Variants in EYS observed in about 807,000 individuals in gnomAD.
The protein encoded by EYS is protein eyes shut homolog.
A neutral mutation model predicts 282.1 loss-of-function variants in EYS; 250 were observed. That is an observed-to-expected ratio of 0.89 (90% CI 0.80 to 0.98). The LOEUF (loss-of-function observed/expected upper bound fraction) is 0.98, where lower values mean the gene tolerates loss of function less well. Among genes scored for constraint, EYS ranks in the 50% least tolerant of loss-of-function variants. The probability of loss-of-function intolerance (pLI) is 0.00; values close to 1 mark genes in which losing one functional copy is unlikely to be tolerated. For synonymous variants in EYS, 1,355 were observed against 1,282.9 expected (o/e 1.06, Z -1.20); for missense variants, 4,016 against 3,709.0 (o/e 1.08, Z -2.15).
intron 22 of EYS, among the ~76,000 whole-genome samples, chr6:64,803,214 C>G (rs181738789): frequency 6.6e-6 from 1 of 152,224 alleles, no homozygotes; most frequent in East Asian, 1.9e-4. Flanking sequence ...GTGGGTAGCT[C>G]CTTTCCAGCT....
intron 2 of EYS, among the ~76,000 whole-genome samples, chr6:65,627,847 C>T (rs908894699): frequency 6.6e-5 from 10 of 152,296 alleles, no homozygotes; most frequent in East Asian, 5.8e-4. Flanking sequence ...GGCTCCTGTG[C>T]GCCCGAGCCT....
At chr6:64,545,997 T>C (rs1340560796) in intron 26 of EYS, among the ~76,000 whole-genome samples, 1 of 152,214 alleles carries the variant, frequency 6.6e-6, no homozygotes, top group East Asian at 1.9e-4. Context: ...ACAATGACTT[T>C]CTTCACAGAA....
chr6:64,489,376 C>T lies in EYS; in HGVS notation c.5645-50024G>A, dbSNP rs143242356. ...CAATTGAGCTTTTCTTTTTTGTATACACATGTGTACTTGTGGTGTGTTAAG... is the reference window on the plus strand; with the variant it reads ...CAATTGAGCTTTTCTTTTTTGTATATACATGTGTACTTGTGGTGTGTTAAG... On this transcript the variant is annotated intron_variant, in intron 26 of 42. Transcript: ENST00000503581. Among the ~76,000 whole-genome samples, 6 of 150,412 alleles carry T rather than the reference C, an allele frequency of 4.0e-5. No individual in the cohort carries two copies. In the East Asian group the frequency reaches 1.2e-3, roughly 29 times the overall value.
intron 12 of EYS, among the ~76,000 whole-genome samples, chr6:65,178,254 A>C (rs1178204494): frequency 6.6e-6 from 1 of 151,868 alleles, no homozygotes; most frequent in South Asian, 2.1e-4. Flanking sequence ...TCTTTTTACT[A>C]TCTTGCCTGT....
chr6:65,327,191 C>T (rs1177936623), intron 11 of EYS, among the ~76,000 whole-genome samples: 1 of 151,554 alleles, frequency 6.6e-6, no homozygotes, highest in Non-Finnish European at 1.5e-5. Context: ...CTTGATATAT[C>T]AAGTCTGTAG....
intron 14 of EYS, among the ~76,000 whole-genome samples, chr6:64,990,560 A>T (rs1771030608): frequency 6.6e-6 from 1 of 151,676 alleles, no homozygotes; most frequent in South Asian, 2.1e-4. Flanking sequence ...AAATGGAAAT[A>T]GTATTCAATC....
At chr6:65,682,115 T>A (rs1350979033) in intron 1 of EYS, among the ~76,000 whole-genome samples, 1 of 152,114 alleles carries the variant, frequency 6.6e-6, no homozygotes, top group African/African-American at 2.4e-5. Context: ...AATTGCAATA[T>A]TGTTGAATAA....
intron 2 of EYS, among the ~76,000 whole-genome samples, chr6:65,575,241 C>T (rs1172191053): frequency 2.0e-5 from 3 of 151,828 alleles, no homozygotes; most frequent in African/African-American, 4.8e-5. Context: ...GCAGGTGAAT[C>T]ACTTGAATCT....
At chr6:63,943,817 C>T (rs958031071) in intron 35 of EYS, among the ~76,000 whole-genome samples, 15 of 152,180 alleles carry the variant, frequency 9.9e-5, no homozygotes, top group African/African-American at 3.6e-4. Flanking sequence ...ATTGCTTTTG[C>T]TTACCTAGTT....
chr6:65,090,460 A>G (rs1774526938), intron 12 of EYS, among the ~76,000 whole-genome samples: 1 of 152,120 alleles, frequency 6.6e-6, no homozygotes, highest in Non-Finnish European at 1.5e-5. Flanking sequence ...CATCTTTACA[A>G]CAGTGTGAAA....
chr6:63,913,255 C>T (rs1310035378), intron 35 of EYS, among the ~76,000 whole-genome samples: 1 of 152,158 alleles, frequency 6.6e-6, no homozygotes, highest in Admixed American at 6.5e-5. Flanking sequence ...CATAAGATTA[C>T]TCCAGGCACT....
At chr6:64,039,810 T>G (rs1211727774) in intron 33 of EYS, among the ~76,000 whole-genome samples, 1 of 152,198 alleles carries the variant, frequency 6.6e-6, no homozygotes, top group Non-Finnish European at 1.5e-5. Context: ...TTTTAGAAAA[T>G]TCTCATAATT....
At chr6:63,823,773 T>G (rs1281011892) in intron 36 of EYS, among the ~76,000 whole-genome samples, 4 of 152,210 alleles carry the variant, frequency 2.6e-5, no homozygotes, top group Non-Finnish European at 4.4e-5. Flanking sequence ...TATTTTTATC[T>G]TTTGTCTTTT....
chr6:64,568,707 C>T (rs762827023), intron 26 of EYS, among the ~76,000 whole-genome samples: 1 of 152,102 alleles, frequency 6.6e-6, no homozygotes, highest in Non-Finnish European at 1.5e-5. Flanking sequence ...CAGCAGGGGT[C>T]GACAGACACC....
At chr6:64,739,432 A>C (rs948185087) in intron 22 of EYS, among the ~76,000 whole-genome samples, 2 of 152,216 alleles carry the variant, frequency 1.3e-5, no homozygotes, top group African/African-American at 2.4e-5. Flanking sequence ...TTTAAAGACT[A>C]AAGTTTAGCA....
At chr6:64,566,920 T>C (rs996727962) in intron 26 of EYS, among the ~76,000 whole-genome samples, 1 of 152,060 alleles carries the variant, frequency 6.6e-6, no homozygotes, top group African/African-American at 2.4e-5. Context: ...ATTACAGGTG[T>C]CCACCACCAT....
In EYS at chr6:63,720,728, T is replaced by C. The variant is rs1032060937; in HGVS notation, c.9303A>G (p.Gln3101=). The change falls in exon 43 of 43, where the codon CAA becomes CAG. Residue 3101 remains glutamine (Q), a synonymous_variant. Coordinates refer to ENST00000503581, the MANE Select transcript of EYS (RefSeq NM_001142800.2). ...CAACAAAATTGGTTTTAAAAATCTCTTGAGTAACGATATTTACCTTTCTAC... is the reference window on the plus strand; with the variant it reads ...CAACAAAATTGGTTTTAAAAATCTCCTGAGTAACGATATTTACCTTTCTAC... ...EYGRKVNIVT[Q]EIFKTNFVGK... is the part of the protein sequence containing the mutation. 2 of 1,549,510 alleles carry C rather than the reference T, an allele frequency of 1.3e-6. No individual in the cohort carries two copies. The highest frequency in any genetic ancestry group is 2.4e-5 in the East Asian group (1 of 40,824).
At chr6:65,198,079 T>C (rs1300646439) in intron 12 of EYS, among the ~76,000 whole-genome samples, 2 of 152,134 alleles carry the variant, frequency 1.3e-5, no homozygotes, top group African/African-American at 4.8e-5. Context: ...AATTTATTTA[T>C]ATAGGCTTTT....
At chr6:65,599,501 C>T (rs1765541592) in intron 2 of EYS, among the ~76,000 whole-genome samples, 1 of 151,858 alleles carries the variant, frequency 6.6e-6, no homozygotes, top group South Asian at 2.1e-4. Flanking sequence ...TTGTAGATGC[C>T]CCTGGTCCTT....
Sources: gnomAD v4.1 joint callset for allele counts (sites outside exome capture counted in the v4.1 genomes callset) on GRCh38, gnomAD v4.1.1 for gene constraint, MANE v1.5 for transcripts, NCBI Gene and HGNC (gene_info 2026-07-23, HGNC 2026-07-21) for gene names.